GNAL: variants seen among roughly 807,000 people sequenced by gnomAD.
GNAL encodes guanine nucleotide-binding protein G(olf) subunit alpha.
In GNAL, 18 loss-of-function variants were observed where a neutral mutation model predicts 55.1. That is an observed-to-expected ratio of 0.33 (90% CI 0.23 to 0.48). The LOEUF is 0.48. Among genes scored for constraint, GNAL ranks in the 20% least tolerant of loss-of-function variants. GNAL has a pLI of 0.99. For missense variants in GNAL, 412 were observed against 614.1 expected, an observed-to-expected ratio of 0.67 and a Z score of 3.48; for synonymous variants, 253 against 237.0, an observed-to-expected ratio of 1.07 and a Z score of -0.62.
intron 5 of GNAL, chr18:11,851,661 A>T (rs544977056): frequency 6.2e-7 from 1 of 1,614,070 alleles, no homozygotes; most frequent in East Asian, 2.2e-5. Flanking sequence ...TTGCGAGGAT[A>T]CACGCCGAAA....
chr18:11,766,887 T>G (rs1021575029), intron 4 of GNAL, among the ~76,000 whole-genome samples: 2 of 152,236 alleles, frequency 1.3e-5, no homozygotes, highest in African/African-American at 4.8e-5. Context: ...GCATTTGATG[T>G]AGGTTCAGCG....
intron 4 of GNAL, among the ~76,000 whole-genome samples, chr18:11,801,821 T>C (rs2034529494): frequency 6.6e-6 from 1 of 152,066 alleles, no homozygotes; most frequent in African/African-American, 2.4e-5. Flanking sequence ...TGCCTTCCCC[T>C]GTGGTCTGAA....
chr18:11,694,860 T>C (rs948132577), intron 1 of GNAL, among the ~76,000 whole-genome samples: 17 of 152,196 alleles, frequency 1.1e-4, no homozygotes, highest in African/African-American at 3.9e-4. Flanking sequence ...GCTCCCTTCC[T>C]GGCTTGCAAA....
intron 4 of GNAL, among the ~76,000 whole-genome samples, chr18:11,783,972 A>G (rs9951227): frequency 0.025 from 3,784 of 152,334 alleles, 157 homozygotes; most frequent in African/African-American, 0.086. Context: ...GAGAAGCTCC[A>G]TCTGTGCATG....
At chr18:11,693,877 G>A (rs1801572713) in intron 1 of GNAL, among the ~76,000 whole-genome samples, 1 of 135,296 alleles carries the variant, frequency 7.4e-6, no homozygotes, top group African/African-American at 3.0e-5. Context: ...TTTTTAGACA[G>A]GATCTCACTT....
intron 1 of GNAL, among the ~76,000 whole-genome samples, chr18:11,710,611 T>A (rs1291915106): frequency 6.6e-6 from 1 of 150,414 alleles, no homozygotes; most frequent in Non-Finnish European, 1.5e-5. Context: ...CCTCAACTTT[T>A]GTTTGGGAAA....
At chr18:11,765,484 A>G (rs1598438311) in intron 4 of GNAL, among the ~76,000 whole-genome samples, 1 of 152,134 alleles carries the variant, frequency 6.6e-6, no homozygotes, top group Admixed American at 6.5e-5. Flanking sequence ...CAGTTGCCCC[A>G]TGGTGCTCCT....
intron 1 of GNAL, among the ~76,000 whole-genome samples, chr18:11,692,792 C>A (rs2031293820): frequency 1.3e-5 from 2 of 149,856 alleles, no homozygotes; most frequent in Admixed American, 6.6e-5. Context: ...GCGCTGGAGA[C>A]CCTGTCTCAA....
intron 4 of GNAL, among the ~76,000 whole-genome samples, chr18:11,803,884 T>A (rs12958448): frequency 6.3e-4 from 68 of 108,170 alleles, no homozygotes; most frequent in Admixed American, 9.2e-4. Context: ...ACATGGAGAT[T>A]CTGTGTAGTG....
intron 1 of GNAL, among the ~76,000 whole-genome samples, chr18:11,714,652 TC>T (rs977645940): frequency 6.6e-6 from 1 of 152,154 alleles, no homozygotes; most frequent in African/African-American, 2.4e-5. Flanking sequence ...AAAACAAAAC[TC>T]CGTTTTAGGG....
intron 5 of GNAL, among the ~76,000 whole-genome samples, chr18:11,860,025 G>GTGCAGCCAGGT (rs1351172289): frequency 2.0e-5 from 3 of 152,178 alleles, no homozygotes; most frequent in African/African-American, 7.2e-5. Context: ...TGGGATTAAA[G>GTGCAGCCAGGT]GCGTGCACCA....
In GNAL at chr18:11,885,136, GA is replaced by G; in HGVS notation, c.*4003del. ...AGTGGCAAATGTTTTCATTTACTTT[GA>G]ATTTGAAAATGTTAGGGTTTCCTCC... is the stretch of plus-strand genomic sequence containing the variant. On this transcript the variant is annotated 3_prime_UTR_variant, in exon 12 of 12. Coordinates refer to ENST00000334049, the MANE Select transcript of GNAL (RefSeq NM_182978.4). 9.9e-7 allele frequency: 1 copy of G among 1,009,844 alleles called. No homozygotes were observed. Among genetic ancestry groups the G allele is most frequent in the Non-Finnish European group, 1.3e-6 (1 of 774,194 alleles). The allele number at this position is 1,009,844 out of a possible 1,614,324, so 62.6% of individuals were successfully genotyped here. A position where few individuals can be genotyped will look rare whatever the true frequency, so the allele number is the denominator to read the frequency against.
At chr18:11,781,383 C>G (rs527902475) in intron 4 of GNAL, among the ~76,000 whole-genome samples, 2 of 152,238 alleles carry the variant, frequency 1.3e-5, no homozygotes, top group African/African-American at 4.8e-5. Flanking sequence ...TATAGAATTT[C>G]TGTATCTTAT....
chr18:11,779,588 A>G (rs566353714), intron 4 of GNAL, among the ~76,000 whole-genome samples: 5 of 152,336 alleles, frequency 3.3e-5, no homozygotes, highest in African/African-American at 1.2e-4. Context: ...CCATCCTACA[A>G]ACAATCAGAT....
chr18:11,849,518 A>G (rs528323891), intron 5 of GNAL, among the ~76,000 whole-genome samples: 184 of 131,910 alleles, frequency 1.4e-3, no homozygotes, highest in Middle Eastern at 3.9e-3. Flanking sequence ...AAAAAAAAAA[A>G]AAAGAAAGAA....
intron 5 of GNAL, among the ~76,000 whole-genome samples, chr18:11,832,889 T>G (rs1029680061): frequency 6.6e-6 from 1 of 151,922 alleles, no homozygotes; most frequent in Admixed American, 6.6e-5. Flanking sequence ...AATAAAAATT[T>G]TAAAAAATGA....
rs1281828969 is a variant in GNAL at position 11,751,308 on chromosome 18, G to A, written c.377-1545G>A. On this transcript the variant is annotated intron_variant, in intron 1 of 11. Transcript: ENST00000334049. This position sits in a 1 kb window ranked among gnomAD's most constrained non-coding sequence, Gnocchi z 4.5. ...GGGGTCTCAGTAACGGAGGGCAGGT[G>A]CCAGTCTCGCGCCCTAGTTCGTTCC... Among the ~76,000 whole-genome samples the A allele has an allele frequency of 3.3e-5, 5 of 152,198 alleles. No individual in the cohort carries two copies. The highest frequency in any genetic ancestry group is 6.5e-5 in the Admixed American group (1 of 15,286).
rs374204173 is a variant in GNAL at position 11,778,717 on chromosome 18, TAAG to T, written c.624+24775_624+24777del. Among the ~76,000 whole-genome samples, 71 of 152,140 alleles carry T rather than the reference TAAG, an allele frequency of 4.7e-4. 1 individual carries two copies. The East Asian group carries it at 0.011, about 23-fold the overall frequency. On this transcript the variant is annotated intron_variant, in intron 4 of 11. Coordinates refer to ENST00000334049, the MANE Select transcript of GNAL (RefSeq NM_182978.4). ...CATAGAAAACAAAAATCCCCTTTCT[TAAG>T]AACCCATTTTTATCAGTTCCCATCA...
rs1033291002 is a variant in GNAL at position 11,751,794 on chromosome 18, A to G, written c.377-1059A>G. 6 of 386,162 alleles carry G rather than the reference A, an allele frequency of 1.6e-5. No individual in the cohort carries two copies. The highest frequency in any genetic ancestry group is 2.1e-5 in the Non-Finnish European group (6 of 282,082). 23.9% of individuals were successfully genotyped at this position (386,162 alleles called of 1,614,324 possible). A position where few individuals can be genotyped will look rare whatever the true frequency, so the allele number is the denominator to read the frequency against. ...GCGCCTCTCCGAGAGCTCCGGGACC[A>G]GCGGCCCGGCCGCCCCCAAAGCCAG... is the stretch of plus-strand genomic sequence containing the variant. On this transcript the variant is annotated intron_variant, in intron 1 of 11. Transcript: ENST00000334049. The surrounding 1 kb of genome is among the most constrained non-coding windows in gnomAD (Gnocchi z 4.5).
Sources: allele counts gnomAD v4.1 joint callset (sites outside exome capture counted in the v4.1 genomes callset), GRCh38; gene constraint gnomAD v4.1.1; non-coding constraint Gnocchi (gnomAD v3.1); transcripts MANE v1.5; gene names NCBI Gene and HGNC (gene_info 2026-07-23, HGNC 2026-07-21).